The following FHOD3 variants were observed in gnomAD, a reference collection of about 807,000 sequenced individuals.
The protein encoded by FHOD3 is FH1/FH2 domain-containing protein 3.
In FHOD3, 90 loss-of-function variants were observed where a neutral mutation model predicts 173.0. That is an observed-to-expected ratio of 0.52 (90% confidence interval 0.44 to 0.62). The LOEUF is 0.62. Ranked by LOEUF, FHOD3 falls within the 20% of genes least tolerant of loss-of-function variation. The probability of loss-of-function intolerance (pLI) is 0.00; values close to 1 mark genes in which losing one functional copy is unlikely to be tolerated. For missense variants in FHOD3, 1,945 were observed against 2,034.7 expected (o/e 0.96, Z 0.85); for synonymous variants, 828 against 823.0 (o/e 1.01, Z -0.10).
intron 5 of FHOD3, among the ~76,000 whole-genome samples, chr18:36,538,000 A>G (rs565878139): frequency 6.6e-6 from 1 of 152,328 alleles, no homozygotes; most frequent in South Asian, 2.1e-4. Flanking sequence ...GTGTTCTTCA[A>G]CCACAAGAGA....
rs913522046 is a variant in FHOD3, at chr18:36,763,302, C to G, written c.4624+2520C>G. On this transcript the variant is annotated intron_variant, in intron 27 of 28. Transcript: ENST00000590592. Reference sequence around the variant, plus strand: ...TTATATACAATATGCGTATTATACACGTTATATACAATATGCGTATTATAC... The same window carrying G: ...TTATATACAATATGCGTATTATACAGGTTATATACAATATGCGTATTATAC... Among the ~76,000 whole-genome samples the G allele has an allele frequency of 2.2e-5, 3 of 135,920 alleles. No individual in the cohort carries two copies. In the East Asian group the frequency reaches 6.7e-4, roughly 30 times the overall value. 89.2% of individuals were successfully genotyped at this position (135,920 alleles called of 152,430 possible). A position where few individuals can be genotyped will look rare whatever the true frequency, so the allele number is the denominator to read the frequency against.
intron 5 of FHOD3, among the ~76,000 whole-genome samples, chr18:36,521,414 T>TTCC (rs1343035289): frequency 1.3e-5 from 2 of 152,126 alleles, no homozygotes; most frequent in African/African-American, 4.8e-5. Flanking sequence ...CCCCAGTCAG[T>TTCC]TCCTCCACAG....
At chr18:36,463,820 A>G (rs2052741780) in intron 3 of FHOD3, among the ~76,000 whole-genome samples, 1 of 152,258 alleles carries the variant, frequency 6.6e-6, no homozygotes. Context: ...TGCAGAAAAT[A>G]TAAATGTTCT....
At chr18:36,319,997 G>A (rs2144910616) in intron 1 of FHOD3, among the ~76,000 whole-genome samples, 1 of 152,230 alleles carries the variant, frequency 6.6e-6, no homozygotes, top group African/African-American at 2.4e-5. Context: ...GTATGTAGAG[G>A]GAAATTTATA....
intron 9 of FHOD3, among the ~76,000 whole-genome samples, chr18:36,615,240 C>G (rs908882356): frequency 2.0e-5 from 3 of 152,102 alleles, no homozygotes; most frequent in African/African-American, 4.8e-5. Flanking sequence ...TATTTTCTCT[C>G]ATTCTATGGG....
chr18:36,450,598 C>T (rs2051790980), intron 3 of FHOD3, among the ~76,000 whole-genome samples: 1 of 151,714 alleles, frequency 6.6e-6, no homozygotes, highest in Admixed American at 6.6e-5. Flanking sequence ...TCGAGACCAG[C>T]CTGGGCAACA....
intron 13 of FHOD3, among the ~76,000 whole-genome samples, chr18:36,655,774 A>C (rs1495901): frequency 0.017 from 1,380 of 82,122 alleles, 11 homozygotes; most frequent in Middle Eastern, 0.079. Flanking sequence ...CACACACACA[A>C]AAATGCTGAA....
At chr18:36,613,431 G>T (rs1410295020) in intron 9 of FHOD3, among the ~76,000 whole-genome samples, 1 of 152,172 alleles carries the variant, frequency 6.6e-6, no homozygotes, top group Non-Finnish European at 1.5e-5. Flanking sequence ...GTGTTGAAAT[G>T]ACACTCTTTC....
At chr18:36,700,745 T>C (rs954700310) in intron 17 of FHOD3, among the ~76,000 whole-genome samples, 1 of 152,178 alleles carries the variant, frequency 6.6e-6, no homozygotes, top group Non-Finnish European at 1.5e-5. Flanking sequence ...TCAGATCTTA[T>C]GTGGCATTCA....
intron 5 of FHOD3, among the ~76,000 whole-genome samples, chr18:36,538,525 G>A (rs1007004267): frequency 3.3e-5 from 5 of 152,196 alleles, no homozygotes; most frequent in Non-Finnish European, 1.5e-5. Context: ...GTTAATGCAA[G>A]GACTCTATAC....
intron 8 of FHOD3, among the ~76,000 whole-genome samples, chr18:36,603,617 C>T (rs1045306212): frequency 6.6e-6 from 1 of 152,024 alleles, no homozygotes; most frequent in Non-Finnish European, 1.5e-5. Flanking sequence ...GATCCTCCTG[C>T]CTTAGCCCCT....
At chr18:36,629,422 C>T (rs1352117457) in intron 10 of FHOD3, among the ~76,000 whole-genome samples, 1 of 152,152 alleles carries the variant, frequency 6.6e-6, no homozygotes, top group Non-Finnish European at 1.5e-5. Context: ...CCACTCTTAG[C>T]TCACAGGCCG....
intron 10 of FHOD3, among the ~76,000 whole-genome samples, chr18:36,638,630 T>C (rs1185893672): frequency 6.6e-6 from 1 of 152,152 alleles, no homozygotes; most frequent in African/African-American, 2.4e-5. Context: ...CTGCCAAGCA[T>C]CTAAAATAAC....
chr18:36,591,470 A>G (rs2059214597), intron 6 of FHOD3, among the ~76,000 whole-genome samples: 1 of 152,154 alleles, frequency 6.6e-6, no homozygotes, highest in African/African-American at 2.4e-5. Flanking sequence ...GATTCAGAGG[A>G]CGGGCTGGCC....
chr18:36,437,619 A>G (rs958827452), intron 3 of FHOD3, among the ~76,000 whole-genome samples: 8 of 148,764 alleles, frequency 5.4e-5, no homozygotes, highest in Non-Finnish European at 7.4e-5. Flanking sequence ...GTCCTTCCAC[A>G]CTAGTAGTTG....
intron 11 of FHOD3, among the ~76,000 whole-genome samples, chr18:36,650,331 T>A (rs1402447633): frequency 6.6e-6 from 1 of 152,126 alleles, no homozygotes; most frequent in Non-Finnish European, 1.5e-5. Flanking sequence ...AGGCTAGCAG[T>A]GCACACAGAA....
chr18:36,601,589 G>A (rs760035638), intron 7 of FHOD3, among the ~76,000 whole-genome samples: 13 of 152,120 alleles, frequency 8.5e-5, no homozygotes, highest in South Asian at 2.1e-4. Flanking sequence ...GGAAACTTTT[G>A]TTCTCAAGGC....
In FHOD3 at chr18:36,760,727, C is replaced by A; in HGVS notation, c.4569C>A (p.Ser1523=). Residue 1523 remains serine, a synonymous_variant, in exon 27 of 29, where the codon TCC becomes TCA. Coordinates refer to ENST00000590592, the MANE Select transcript of FHOD3 (RefSeq NM_001281740.3). Reference sequence around the variant, plus strand: ...CTGTGCTGAAAACCTCGTCCCCCTCCGTGGAGGACGCCACCCCCGCGCTGG... The same window carrying A: ...CTGTGCTGAAAACCTCGTCCCCCTCAGTGGAGGACGCCACCCCCGCGCTGG... The part of the protein sequence containing the change: ...MKAVLKTSSP[S]VEDATPALGV... 1 of 1,613,082 alleles carries A rather than the reference C, an allele frequency of 6.2e-7. No homozygotes were observed.
At chr18:36,539,297 A>G (rs1034886530) in intron 5 of FHOD3, among the ~76,000 whole-genome samples, 1 of 152,248 alleles carries the variant, frequency 6.6e-6, no homozygotes, top group African/African-American at 2.4e-5. Flanking sequence ...CATAATAAGT[A>G]GGTAGGGGAA....
Sources: gnomAD v4.1 joint callset for allele counts (sites outside exome capture counted in the v4.1 genomes callset) on GRCh38, gnomAD v4.1.1 for gene constraint, MANE v1.5 for transcripts, NCBI Gene and HGNC (gene_info 2026-07-23, HGNC 2026-07-21) for gene names.